Variants in ZFAT observed in about 807,000 individuals in gnomAD.
ZFAT encodes the protein zinc finger protein ZFAT.
A neutral mutation model predicts 117.7 loss-of-function variants in ZFAT; 64 were observed. The ratio of observed to expected loss-of-function variants is 0.54; its 90% CI spans 0.44 to 0.67. The LOEUF is 0.67. Among genes scored for constraint, ZFAT ranks in the 30% least tolerant of loss-of-function variants. ZFAT has a pLI of 0.00. For synonymous variants in ZFAT, 679 were observed against 615.0 expected (o/e 1.10, Z -1.54); for missense variants, 1,433 against 1,584.5 (o/e 0.90, Z 1.62).
intron 7 of ZFAT, chr8:134,599,749 C>T (rs991782480): frequency 4.4e-6 from 2 of 455,852 alleles, no homozygotes; most frequent in African/African-American, 4.0e-5. Flanking sequence ...GATGTGCTTC[C>T]TTTATAACTT....
At chr8:134,677,270 C>G (rs1485442607) in intron 1 of ZFAT, among the ~76,000 whole-genome samples, 1 of 152,218 alleles carries the variant, frequency 6.6e-6, no homozygotes, top group Non-Finnish European at 1.5e-5. Context: ...CCATCACTAC[C>G]AATCCCACAG....
At chr8:134,662,497 T>C (rs982805983) in intron 1 of ZFAT, among the ~76,000 whole-genome samples, 2 of 152,096 alleles carry the variant, frequency 1.3e-5, no homozygotes, top group African/African-American at 4.8e-5. Flanking sequence ...AAAAGTGAGA[T>C]TTCCCTAACA....
chr8:134,792,888 A>G, the ZFAT span: 5 of 152,360 alleles, frequency 3.3e-5, no homozygotes, highest in South Asian at 1.0e-3. Context: ...TTTAGTGGAC[A>G]GTTTTCTCCA....
At position 134,601,762 on chromosome 8, in the gene ZFAT, G is replaced by T; in HGVS notation, c.1957C>A (p.Pro653Thr). 6.2e-7 allele frequency: 1 copy of T among 1,613,848 alleles called. No homozygotes were observed. The highest frequency in any genetic ancestry group is 8.5e-7 in the Non-Finnish European group (1 of 1,179,942). ...GCCATGTTCTGCCCTTCCCCTAGGGGGCTCTGGGCGCCATGGCTTTCCTGA... is the reference window on the plus strand; with the variant it reads ...GCCATGTTCTGCCCTTCCCCTAGGGTGCTCTGGGCGCCATGGCTTTCCTGA... Reference protein sequence around the residue: ...SDQESHGAQSPLGEGQNMAVL... With the variant: ...SDQESHGAQSTLGEGQNMAVL... Residue 653 changes from proline (P) to threonine (T), a missense_variant, in exon 6 of 16, where the codon CCC becomes ACC. By Grantham distance (38) the Pro-to-Thr change is conservative. This residue lies in a region of ZFAT where 372 missense variants were observed against 355.6 expected (regional missense o/e 1.05). Coordinates refer to ENST00000377838, the MANE Select transcript of ZFAT (RefSeq NM_020863.4).
chr8:134,732,869 C>T, the ZFAT span, among the ~76,000 whole-genome samples: 1 of 152,040 alleles, frequency 6.6e-6, no homozygotes, highest in South Asian at 2.1e-4. Context: ...GAGACTATTC[C>T]GTAGGATCCT....
intron 1 of ZFAT, among the ~76,000 whole-genome samples, chr8:134,693,881 T>C (rs1195884851): frequency 6.6e-6 from 1 of 152,168 alleles, no homozygotes; most frequent in Non-Finnish European, 1.5e-5. Flanking sequence ...CCTTCTCAAA[T>C]ATGTAGCATC....
chr8:134,781,661 A>C, the ZFAT span, among the ~76,000 whole-genome samples: 3 of 152,122 alleles, frequency 2.0e-5, no homozygotes. Flanking sequence ...ATTTTGGAAA[A>C]TAAAAGTTAC....
At chr8:134,539,038 T>C (rs1822052570) in intron 11 of ZFAT, among the ~76,000 whole-genome samples, 1 of 152,160 alleles carries the variant, frequency 6.6e-6, no homozygotes, top group Non-Finnish European at 1.5e-5. Context: ...ACTTTGCTGT[T>C]TTGGTTCTTT....
intron 3 of ZFAT, among the ~76,000 whole-genome samples, chr8:134,610,918 C>T (rs1374685979): frequency 6.6e-6 from 1 of 152,248 alleles, no homozygotes; most frequent in Non-Finnish European, 1.5e-5. Context: ...AGTTTCTTGT[C>T]TTGTCTTGTC....
chr8:134,831,039 G>C, the ZFAT span, among the ~76,000 whole-genome samples: 1 of 152,164 alleles, frequency 6.6e-6, no homozygotes, highest in African/African-American at 2.4e-5. Flanking sequence ...GGTGGCACCG[G>C]GTCAATGCGA....
chr8:134,601,414 TGCGAGGTGACCACA>T, intron 6 of ZFAT, 49 bp downstream of exon 6: 21 of 1,531,824 alleles, frequency 1.4e-5, no homozygotes, highest in Non-Finnish European at 1.8e-5. Flanking sequence ...TCAAATCAAA[TGCGAGGTGACCACA>T]GCATGATGGT....
At chr8:134,826,166 C>CA in the ZFAT span, among the ~76,000 whole-genome samples, 1 of 152,060 alleles carries the variant, frequency 6.6e-6, no homozygotes, top group Non-Finnish European at 1.5e-5. Context: ...CCTAAATTTG[C>CA]AAAAAATAGC....
At position 134,606,147 on chromosome 8, in the gene ZFAT, G is replaced by T. The variant is rs1331463539; in HGVS notation, c.785+2582C>A. On this transcript the variant is annotated intron_variant, in intron 5 of 15. Coordinates refer to ENST00000377838, the MANE Select transcript of ZFAT (RefSeq NM_020863.4). ...AAAAGAGGCCCAGATGGCTGGAACA[G>T]ATGGCAGCAGCAAGAGTACTGGGGA... 2.0e-5 allele frequency among the ~76,000 whole-genome samples: 3 copies of T among 152,342 alleles called. No homozygotes were observed. In the East Asian group the frequency reaches 5.8e-4, roughly 29 times the overall value.
At chr8:134,507,407 G>A (rs142375155) in intron 15 of ZFAT, among the ~76,000 whole-genome samples, 78 of 152,200 alleles carry the variant, frequency 5.1e-4, no homozygotes, top group Non-Finnish European at 9.1e-4. Flanking sequence ...AACAGCCACC[G>A]TGAGCGAGGT....
chr8:134,737,321 TGTA>T, the ZFAT span, among the ~76,000 whole-genome samples: 1 of 151,504 alleles, frequency 6.6e-6, no homozygotes, highest in East Asian at 1.9e-4. Flanking sequence ...AAAATAAAAA[TGTA>T]GTTCTGTTGT....
upstream of ZFAT, among the ~76,000 whole-genome samples, chr8:134,716,431 A>G (rs1033902967): frequency 3.3e-5 from 5 of 152,190 alleles, no homozygotes; most frequent in African/African-American, 1.2e-4. Context: ...TCCAGTGGCC[A>G]TGGAGTGCCA....
intron 1 of ZFAT, among the ~76,000 whole-genome samples, chr8:134,679,483 T>C (rs1200548543): frequency 1.3e-5 from 2 of 152,216 alleles, no homozygotes; most frequent in East Asian, 1.9e-4. Context: ...GCTTTTACAC[T>C]GTTGGTGGGA....
chr8:134,736,762 T>A, the ZFAT span, among the ~76,000 whole-genome samples: 4 of 152,040 alleles, frequency 2.6e-5, no homozygotes, highest in Non-Finnish European at 2.9e-5. Context: ...TAATTTTTTT[T>A]ATTTCTAGAT....
chr8:134,522,928 G>A (rs1156867644), intron 12 of ZFAT, among the ~76,000 whole-genome samples: 1 of 152,106 alleles, frequency 6.6e-6, no homozygotes, highest in African/African-American at 2.4e-5. Flanking sequence ...GAACTTTCCA[G>A]ACCTTCCTGT....
Sources: gnomAD v4.1 joint callset for allele counts (sites outside exome capture counted in the v4.1 genomes callset) on GRCh38, gnomAD v4.1.1 for gene constraint, gnomAD v4.1.1 regional missense constraint, MANE v1.5 for transcripts, NCBI Gene and HGNC (gene_info 2026-07-23, HGNC 2026-07-21) for gene names.